Variants in TPD52 observed in about 807,000 individuals in gnomAD.
The protein encoded by TPD52 is tumor protein D52.
TPD52 carries 17 observed loss-of-function variants against 31.3 expected under a neutral mutation model. The ratio of observed to expected loss-of-function variants is 0.54; its 90% CI spans 0.37 to 0.82. The LOEUF is 0.82. TPD52 is among the 40% of genes least tolerant of loss of function. The pLI is 0.00. For synonymous variants in TPD52, 83 were observed against 89.6 expected (o/e 0.93, Z 0.42); for missense variants, 212 against 240.1 (o/e 0.88, Z 0.77).
chr8:80,129,703 C>CTTTTTTT lies in TPD52; in HGVS notation c.19+41715_19+41721dup, dbSNP rs5892709. On this transcript the variant is annotated intron_variant, in intron 1 of 7. Transcript: ENST00000518937. The stretch of plus-strand genomic sequence containing the variant: ...TTCTCTCAAATCCTAACTCTCATTT[C>CTTTTTTT]TTTTTTTTTTTTTTTTTTGAGACGG... Among the ~76,000 whole-genome samples, 9 of 130,074 alleles carry CTTTTTTT rather than the reference C, an allele frequency of 6.9e-5. 1 individual carries two copies. Among genetic ancestry groups the CTTTTTTT allele is most frequent in the African/African-American group, 1.8e-4 (6 of 33,636 alleles). The allele number at this position is 130,074 out of a possible 152,430, so 85.3% of individuals were successfully genotyped here.
intron 1 of TPD52, among the ~76,000 whole-genome samples, chr8:80,165,866 G>A (rs1195080494): frequency 1.4e-5 from 2 of 141,136 alleles, no homozygotes; most frequent in African/African-American, 5.3e-5. Context: ...TTAATTCCTA[G>A]GCCTCGCCAG....
At chr8:80,051,894 A>G in intron 3 of TPD52, 1 of 355,098 alleles carries the variant, frequency 2.8e-6, no homozygotes, top group Non-Finnish European at 5.0e-6. Flanking sequence ...AAAGAAGTCA[A>G]GGTAAGGGCT....
intron 5 of TPD52, among the ~76,000 whole-genome samples, chr8:80,045,466 C>T (rs142816691): frequency 3.5e-4 from 53 of 152,314 alleles, no homozygotes; most frequent in African/African-American, 1.3e-3. Flanking sequence ...GGAGTGAAGA[C>T]AATTAAGACT....
At chr8:80,134,560 A>G (rs1809255551) in intron 1 of TPD52, among the ~76,000 whole-genome samples, 1 of 152,224 alleles carries the variant, frequency 6.6e-6, no homozygotes, top group Admixed American at 6.5e-5. Context: ...TGGAAAAAGG[A>G]CCATATCTGT....
intron 5 of TPD52, among the ~76,000 whole-genome samples, chr8:80,049,070 A>G (rs1219499462): frequency 2.0e-5 from 3 of 152,206 alleles, no homozygotes; most frequent in Non-Finnish European, 2.9e-5. Context: ...AAGGTATAGA[A>G]AAGTCTAGTG....
chr8:80,035,346 C>T lies in TPD52; in HGVS notation c.*2770G>A, dbSNP rs528352696. On this transcript the variant is annotated 3_prime_UTR_variant, in exon 8 of 8. Coordinates refer to ENST00000518937, the MANE Select transcript of TPD52 (RefSeq NM_001025253.3). The stretch of plus-strand genomic sequence containing the variant: ...CCTTAATGTAGGATCTCTTTGGACA[C>T]ATCTTCAGCAAGCAGTCATTTAATA... 5.3e-5 allele frequency: 8 copies of T among 152,316 alleles called. No individual in the cohort carries two copies. Among genetic ancestry groups the T allele is most frequent in the African/African-American group, 1.9e-4 (8 of 41,576 alleles). The allele number at this position is 152,316 out of a possible 1,614,324, so 9.4% of individuals were successfully genotyped here.
chr8:80,099,636 G>A (rs568258306), intron 1 of TPD52, among the ~76,000 whole-genome samples: 41 of 151,490 alleles, frequency 2.7e-4, no homozygotes, highest in African/African-American at 9.7e-4. Context: ...TCAGCCTCCT[G>A]AGTAGCTGGG....
intron 1 of TPD52, among the ~76,000 whole-genome samples, chr8:80,131,985 T>G (rs1400120308): frequency 6.6e-6 from 1 of 151,988 alleles, no homozygotes; most frequent in African/African-American, 2.4e-5. Context: ...AACCTGAAGT[T>G]CCTCATCAAT....
At chr8:80,169,955 T>C (rs1290361206) in intron 1 of TPD52, among the ~76,000 whole-genome samples, 1 of 152,224 alleles carries the variant, frequency 6.6e-6, no homozygotes, top group Non-Finnish European at 1.5e-5. Flanking sequence ...TATGTGTATA[T>C]ATACGTTATA....
intron 5 of TPD52, among the ~76,000 whole-genome samples, chr8:80,049,230 C>T (rs1811141115): frequency 6.6e-6 from 1 of 152,140 alleles, no homozygotes; most frequent in Non-Finnish European, 1.5e-5. Flanking sequence ...CTACTCCACT[C>T]TAAGATTTTA....
chr8:80,077,567 G>T (rs1814729766), intron 1 of TPD52, among the ~76,000 whole-genome samples: 1 of 152,174 alleles, frequency 6.6e-6, no homozygotes, highest in Non-Finnish European at 1.5e-5. Flanking sequence ...AGGCTGAGAT[G>T]TTGCGGTCTA....
chr8:80,043,607 C>T (rs1810574497), intron 6 of TPD52, among the ~76,000 whole-genome samples: 2 of 152,122 alleles, frequency 1.3e-5, no homozygotes, highest in African/African-American at 4.8e-5. Flanking sequence ...AGAGGTGGGG[C>T]CCAGCAAGCA....
chr8:80,164,629 A>C (rs1247686054), intron 1 of TPD52, among the ~76,000 whole-genome samples: 2 of 152,204 alleles, frequency 1.3e-5, no homozygotes, highest in Non-Finnish European at 2.9e-5. Context: ...CACTCCTGTA[A>C]TCCCAGCAGC....
intron 1 of TPD52, among the ~76,000 whole-genome samples, chr8:80,109,537 G>C (rs1240129622): frequency 6.6e-6 from 1 of 152,126 alleles, no homozygotes; most frequent in Non-Finnish European, 1.5e-5. Context: ...CTCCTGAGTA[G>C]CTGGGATTAC....
At chr8:80,062,314 T>G (rs1392720990) in intron 2 of TPD52, among the ~76,000 whole-genome samples, 1 of 152,164 alleles carries the variant, frequency 6.6e-6, no homozygotes, top group Non-Finnish European at 1.5e-5. Context: ...CCACGAGCAT[T>G]CACTGGGGAA....
chr8:80,042,771 G>A (rs1810508770), intron 6 of TPD52, 103 bp from the exon 7 acceptor site: 2 of 1,045,078 alleles, frequency 1.9e-6, no homozygotes, highest in East Asian at 2.5e-5. Flanking sequence ...TTCTCAATCG[G>A]CAAAAGAACA....
intron 2 of TPD52, among the ~76,000 whole-genome samples, chr8:80,057,256 C>T (rs1468428279): frequency 6.6e-6 from 1 of 152,146 alleles, no homozygotes; most frequent in African/African-American, 2.4e-5. Flanking sequence ...TCATAACAGT[C>T]CTAAAGTTCA....
chr8:80,124,228 C>G (rs2131044730), intron 1 of TPD52, among the ~76,000 whole-genome samples: 1 of 151,794 alleles, frequency 6.6e-6, no homozygotes, highest in South Asian at 2.1e-4. Flanking sequence ...TGCACTGGCA[C>G]AATCTTTGCT....
intron 1 of TPD52, among the ~76,000 whole-genome samples, chr8:80,120,300 C>A (rs953404642): frequency 5.3e-5 from 8 of 152,046 alleles, no homozygotes; most frequent in Non-Finnish European, 1.0e-4. Flanking sequence ...ACCAGCCTAG[C>A]CAACACGGCA....
Sources: allele counts gnomAD v4.1 joint callset (sites outside exome capture counted in the v4.1 genomes callset), GRCh38; gene constraint gnomAD v4.1.1; transcripts MANE v1.5; gene names NCBI Gene and HGNC (gene_info 2026-07-23, HGNC 2026-07-21).